The following PFKFB3 variants were observed in gnomAD, a reference collection of about 807,000 sequenced individuals.
PFKFB3 encodes the protein 6-phosphofructo-2-kinase/fructose-2,6-biphosphatase 3.
A neutral mutation model predicts 68.0 loss-of-function variants in PFKFB3; 33 were observed. The ratio of observed to expected loss-of-function variants is 0.49; its 90% CI spans 0.37 to 0.65. The LOEUF (loss-of-function observed/expected upper bound fraction) is 0.65. Among genes scored for constraint, PFKFB3 ranks in the 30% least tolerant of loss-of-function variants. The pLI, the probability that PFKFB3 is intolerant of heterozygous loss-of-function variation, is 0.00. For synonymous variants in PFKFB3, 315 were observed against 288.2 expected (o/e 1.09, Z -0.94); for missense variants, 586 against 712.2 (o/e 0.82, Z 2.02).
At chr10:6,226,145 T>G (rs745408329) in intron 13 of PFKFB3, 47 bp from the exon 14 acceptor site, 35 of 1,492,060 alleles carry the variant, frequency 2.3e-5, no homozygotes, top group Non-Finnish European at 3.1e-5. Context: ...TTTCCTCCCC[T>G]TCTTTGTAAC....
chr10:6,299,865 G>A, the PFKFB3 span, among the ~76,000 whole-genome samples: 1 of 151,914 alleles, frequency 6.6e-6, no homozygotes, highest in Non-Finnish European at 1.5e-5. Flanking sequence ...CCCTGGTTTG[G>A]AGCTCCATGT....
chr10:6,319,085 A>G, the PFKFB3 span, among the ~76,000 whole-genome samples: 4 of 152,238 alleles, frequency 2.6e-5, 1 homozygote, highest in Admixed American at 2.6e-4. Flanking sequence ...TATCTGTTCT[A>G]GATGCTAGAG....
intron 14 of PFKFB3, chr10:6,231,270 G>C: frequency 6.2e-7 from 1 of 1,607,956 alleles, no homozygotes; most frequent in Non-Finnish European, 8.5e-7. Context: ...AAGACGAACT[G>C]TCTGTCACAT....
At chr10:6,182,324 G>T (rs1221175270) in intron 1 of PFKFB3, among the ~76,000 whole-genome samples, 1 of 152,078 alleles carries the variant, frequency 6.6e-6, no homozygotes, top group Admixed American at 6.6e-5. Flanking sequence ...TGGGGGTCTG[G>T]GTGCAGGAGG....
chr10:6,175,805 G>A (rs541006231), intron 1 of PFKFB3, among the ~76,000 whole-genome samples: 5 of 152,354 alleles, frequency 3.3e-5, no homozygotes, highest in African/African-American at 1.2e-4. Context: ...AAGCCACGGT[G>A]AGATACTACT....
At chr10:6,277,693 A>C in the PFKFB3 span, 2 of 365,372 alleles carry the variant, frequency 5.5e-6, no homozygotes. Context: ...CCATGATTGT[A>C]AGTTTCCTGA....
chr10:6,206,817 AGACGCTCCTCACTTCCCAGACGGGGT>A (rs1564619642), intron 1 of PFKFB3, among the ~76,000 whole-genome samples: 8 of 30,338 alleles, frequency 2.6e-4, no homozygotes, highest in African/African-American at 9.1e-4. Flanking sequence ...GGCCGGGCAG[AGACGCTCCTCACTTCCCAGACGGGGT>A]GGCGGCCGGG....
At chr10:6,241,612 G>T (rs7088179) in intron 14 of PFKFB3, among the ~76,000 whole-genome samples, 47,437 of 152,002 alleles carry the variant, frequency 0.31, 8,030 homozygotes, top group African/African-American at 0.43. Context: ...TGGGAGGATC[G>T]CTTAAGCCCA....
chr10:6,263,640 A>C, the PFKFB3 span, among the ~76,000 whole-genome samples: 1 of 152,248 alleles, frequency 6.6e-6, no homozygotes, highest in South Asian at 2.1e-4. Flanking sequence ...ACAATGCAGG[A>C]CAAAGAAGTG....
chr10:6,233,357 T>A lies in PFKFB3; in HGVS notation c.*415T>A, dbSNP rs1449651732. ...CCACACTGGTGGCAGAATCCTAAAA[T>A]TAAAGGAGGCAGGCTCCTAGTTGCT... On this transcript the variant is annotated 3_prime_UTR_variant, in exon 15 of 15. Coordinates refer to ENST00000379775, the MANE Select transcript of PFKFB3 (RefSeq NM_004566.4). 6.0e-6 allele frequency: 1 copy of A among 166,310 alleles called. No individual in the cohort carries two copies. Among genetic ancestry groups the A allele is most frequent in the Non-Finnish European group, 1.3e-5 (1 of 77,486 alleles). 10.3% of individuals were successfully genotyped at this position (166,310 alleles called of 1,614,324 possible). A position where few individuals can be genotyped will look rare whatever the true frequency, so the allele number is the denominator to read the frequency against.
the PFKFB3 span, among the ~76,000 whole-genome samples, chr10:6,296,391 A>C: frequency 1.3e-5 from 2 of 152,182 alleles, no homozygotes; most frequent in Admixed American, 6.5e-5. Context: ...TCCAGACACC[A>C]AGAGAGGGTT....
intron 14 of PFKFB3, chr10:6,245,603 G>A (rs985136841): frequency 1.3e-5 from 2 of 151,908 alleles, no homozygotes; most frequent in Non-Finnish European, 2.9e-5. Context: ...TTTTAGTAGA[G>A]ACTAAATTTC....
intron 1 of PFKFB3, among the ~76,000 whole-genome samples, chr10:6,180,287 T>G (rs998323364): frequency 4.6e-5 from 7 of 152,178 alleles, no homozygotes; most frequent in African/African-American, 1.7e-4. Flanking sequence ...GAGTCAGGCT[T>G]AAAGCAATCA....
downstream of PFKFB3, among the ~76,000 whole-genome samples, chr10:6,259,088 C>T (rs558028825): frequency 6.6e-6 from 1 of 152,286 alleles, no homozygotes; most frequent in South Asian, 2.1e-4. Context: ...ATACACTCAT[C>T]CACCCACCCA....
intron 14 of PFKFB3, among the ~76,000 whole-genome samples, chr10:6,252,086 C>T (rs1486400526): frequency 6.6e-6 from 1 of 152,244 alleles, no homozygotes; most frequent in Non-Finnish European, 1.5e-5. Context: ...ACTTTGTCTA[C>T]ACCATCTGTG....
the PFKFB3 span, among the ~76,000 whole-genome samples, chr10:6,268,769 C>T: frequency 6.6e-6 from 1 of 151,218 alleles, no homozygotes; most frequent in African/African-American, 2.4e-5. Context: ...TGCCTATAAT[C>T]CCAGCACTTT....
chr10:6,160,657 G>A (rs1190643016), intron 1 of PFKFB3, among the ~76,000 whole-genome samples: 2 of 145,426 alleles, frequency 1.4e-5, no homozygotes, highest in Non-Finnish European at 3.0e-5. Flanking sequence ...GGTGGAGGCT[G>A]CAGTGAGCTG....
In PFKFB3 at chr10:6,219,120, T is replaced by C. The variant is rs930727106; in HGVS notation, c.499-449T>C. On this transcript the variant is annotated intron_variant, in intron 6 of 14. Transcript: ENST00000379775. ...TGGGGCTGCCTCAGGCAGTGGGGGG[T>C]GGAGGAGAAACCACACAAGGCCAGA... Among the ~76,000 whole-genome samples, 4 of 152,006 alleles carry C rather than the reference T, an allele frequency of 2.6e-5. No individual in the cohort carries two copies. In the East Asian group the frequency reaches 7.8e-4, roughly 29 times the overall value.
intron 1 of PFKFB3, among the ~76,000 whole-genome samples, chr10:6,155,560 T>C (rs1309855501): frequency 6.6e-6 from 1 of 152,096 alleles, no homozygotes; most frequent in Non-Finnish European, 1.5e-5. Flanking sequence ...ACCAACCAAA[T>C]GTCTGTCCTT....
Sources: allele counts gnomAD v4.1 joint callset (sites outside exome capture counted in the v4.1 genomes callset), GRCh38; gene constraint gnomAD v4.1.1; transcripts MANE v1.5; gene names NCBI Gene and HGNC (gene_info 2026-07-23, HGNC 2026-07-21).